TACC2: variants seen among roughly 807,000 people sequenced by gnomAD.
TACC2 encodes transforming acidic coiled-coil-containing protein 2.
Under a neutral mutation model 227.3 loss-of-function variants are expected in TACC2, and 137 were observed. The ratio of observed to expected loss-of-function variants is 0.60; its 90% CI spans 0.52 to 0.69. The LOEUF is 0.69. TACC2 is among the 30% of genes least tolerant of loss of function. The pLI is 0.00. For missense variants in TACC2, 3,470 were observed against 3,694.4 expected, an observed-to-expected ratio of 0.94 and a Z score of 1.57; for synonymous variants, 1,523 against 1,487.5, an observed-to-expected ratio of 1.02 and a Z score of -0.55.
chr10:122,125,819 C>T (rs975087983), intron 5 of TACC2, among the ~76,000 whole-genome samples: 2 of 129,266 alleles, frequency 1.5e-5, no homozygotes, highest in Admixed American at 2.1e-4. Context: ...CTCTGTTGTC[C>T]AGGCTGGAGT....
chr10:122,047,827 T>C (rs1201012161), intron 2 of TACC2, among the ~76,000 whole-genome samples: 1 of 152,244 alleles, frequency 6.6e-6, no homozygotes, highest in East Asian at 1.9e-4. Flanking sequence ...TTATTGCTGT[T>C]GTTCTCTTTC....
intron 2 of TACC2, among the ~76,000 whole-genome samples, chr10:122,036,578 G>A (rs1479354491): frequency 1.3e-5 from 2 of 148,654 alleles, no homozygotes; most frequent in South Asian, 4.3e-4. Context: ...TCGGCTCATT[G>A]CAACCTCCAT....
chr10:122,096,175 G>C (rs763302078), intron 5 of TACC2, among the ~76,000 whole-genome samples: 3 of 152,142 alleles, frequency 2.0e-5, no homozygotes, highest in Admixed American at 6.5e-5. Context: ...TGGCACATCT[G>C]CCCAGTAATG....
chr10:122,143,479 G>GAATGGGT (rs371454292), intron 6 of TACC2, 93 bp from the exon 7 acceptor site: 157,879 of 1,417,668 alleles, frequency 0.11, 10,511 homozygotes, highest in Admixed American at 0.25. Flanking sequence ...TCCATGTGTG[G>GAATGGGT]GCGGGTGGGT....
intron 9 of TACC2, among the ~76,000 whole-genome samples, chr10:122,212,182 T>C (rs563384606): frequency 6.6e-6 from 1 of 152,352 alleles, no homozygotes; most frequent in South Asian, 2.1e-4. Flanking sequence ...ACATAGTAGA[T>C]TCCAGGAGGC....
intron 3 of TACC2, among the ~76,000 whole-genome samples, chr10:122,071,886 C>CA (rs946551835): frequency 4.5e-3 from 302 of 66,650 alleles, no homozygotes; most frequent in African/African-American, 5.3e-3. Flanking sequence ...GACTCTGTCT[C>CA]AAAAAAAAAA....
At chr10:122,028,085 T>TG in intron 2 of TACC2, among the ~76,000 whole-genome samples, 1 of 57,038 alleles carries the variant, frequency 1.8e-5, no homozygotes, top group Admixed American at 1.9e-4. Context: ...TCTTTCTTTC[T>TG]TTTTTTTTTT....
At chr10:122,054,658 A>G (rs2076042814) in intron 3 of TACC2, among the ~76,000 whole-genome samples, 1 of 152,174 alleles carries the variant, frequency 6.6e-6, no homozygotes, top group Non-Finnish European at 1.5e-5. Context: ...TTCTTCTGAA[A>G]AAGGTCAAGG....
chr10:122,172,692 T>C (rs2093534707), intron 7 of TACC2, among the ~76,000 whole-genome samples: 1 of 152,164 alleles, frequency 6.6e-6, no homozygotes, highest in African/African-American at 2.4e-5. Context: ...TGACTGCCCA[T>C]TGCCTTTCAT....
At chr10:122,021,656 A>G (rs539631884) in intron 1 of TACC2, among the ~76,000 whole-genome samples, 3 of 152,156 alleles carry the variant, frequency 2.0e-5, no homozygotes, top group Non-Finnish European at 4.4e-5. Flanking sequence ...ATATACGTAT[A>G]TGTGTACGCT....
intron 8 of TACC2, among the ~76,000 whole-genome samples, chr10:122,206,127 C>T (rs554247956): frequency 4.0e-4 from 61 of 151,778 alleles, no homozygotes; most frequent in Non-Finnish European, 7.1e-4. Context: ...GGCGCCAGTG[C>T]GGGGGCTGGC....
intron 1 of TACC2, among the ~76,000 whole-genome samples, chr10:122,016,077 A>T (rs1956573028): frequency 6.6e-6 from 1 of 151,434 alleles, no homozygotes; most frequent in Non-Finnish European, 1.5e-5. Flanking sequence ...CCTGGGCAAC[A>T]TGGCGAAACC....
rs549675281 is a variant in TACC2 at position 122,153,135 on chromosome 10, AC to A, written c.5834+9430del. Among the ~76,000 whole-genome samples the A allele has an allele frequency of 8.3e-4, 126 of 151,932 alleles. 2 individuals are homozygous for A. The South Asian group carries it at 0.026, about 31-fold the overall frequency. On this transcript the variant is annotated intron_variant, in intron 7 of 22. Coordinates refer to ENST00000369005, the MANE Select transcript of TACC2 (RefSeq NM_206862.4). ...CTCAGCATCTTGAGTAGATGGGATTACAGGCATAGGTCACCACGCCCGGCTA... is the reference window on the plus strand; with the variant it reads ...CTCAGCATCTTGAGTAGATGGGATTAAGGCATAGGTCACCACGCCCGGCTA...
intron 1 of TACC2, among the ~76,000 whole-genome samples, chr10:122,012,050 G>A (rs767054364): frequency 3.4e-4 from 51 of 152,022 alleles, no homozygotes; most frequent in African/African-American, 1.2e-3. Context: ...TGATTCTCCC[G>A]CTTCCGCCTC....
At position 122,230,400 on chromosome 10, in the gene TACC2, G is replaced by A. The variant is rs1289795919; in HGVS notation, c.8087G>A (p.Arg2696Lys). 1.2e-6 allele frequency: 2 copies of A among 1,614,212 alleles called. No individual in the cohort carries two copies. The highest frequency in any genetic ancestry group is 1.7e-6 in the Non-Finnish European group (2 of 1,180,040). The change falls in exon 16 of 23, where the codon AGG becomes AAG. Residue 2696 changes from arginine (R) to lysine (K), a missense_variant. Arg to Lys is a conservative substitution (Grantham distance 26). Coordinates refer to ENST00000369005, the MANE Select transcript of TACC2 (RefSeq NM_206862.4). Reference sequence around the variant, plus strand: ...CGGATAGAAGCCCTGAAGCTGGCCAGGCAGATTGCTTTGGCTTCCCGCAGC... The same window carrying A: ...CGGATAGAAGCCCTGAAGCTGGCCAAGCAGATTGCTTTGGCTTCCCGCAGC... ...IMRIEALKLA[R>K]QIALASRSHQ...
intron 5 of TACC2, among the ~76,000 whole-genome samples, chr10:122,105,595 T>C (rs2082663403): frequency 6.6e-6 from 1 of 152,066 alleles, no homozygotes; most frequent in South Asian, 2.1e-4. Context: ...CATGTGCCTG[T>C]CTTTCCACGT....
chr10:122,192,598 G>A (rs2094446084), intron 7 of TACC2: 1 of 427,574 alleles, frequency 2.3e-6, no homozygotes. Context: ...TGGTGACATT[G>A]AAAGAGATTT....
intron 1 of TACC2, among the ~76,000 whole-genome samples, chr10:121,994,213 G>A (rs759657735): frequency 3.9e-5 from 6 of 152,198 alleles, no homozygotes; most frequent in Non-Finnish European, 5.9e-5. Context: ...AGGACTGCTT[G>A]ATACTGTCAG....
chr10:122,216,565 G>C, intron 10 of TACC2, 62 bp from the exon 11 acceptor site: 5 of 1,552,732 alleles, frequency 3.2e-6, no homozygotes, highest in Non-Finnish European at 4.4e-6. Flanking sequence ...AGACCTGAGG[G>C]TGGGCACAGT....
Sources: allele counts gnomAD v4.1 joint callset (sites outside exome capture counted in the v4.1 genomes callset), GRCh38; gene constraint gnomAD v4.1.1; transcripts MANE v1.5; gene names NCBI Gene and HGNC (gene_info 2026-07-23, HGNC 2026-07-21).